The following EZR variants were observed in gnomAD, a reference collection of about 807,000 sequenced individuals.
The protein encoded by EZR is cytovillin 2.
In EZR, 40 loss-of-function variants were observed where a neutral mutation model predicts 74.8. The observed-to-expected ratio is 0.53, with a 90% CI of 0.42 to 0.70. The LOEUF (loss-of-function observed/expected upper bound fraction) is 0.70. EZR is among the 30% of genes least tolerant of loss of function. The pLI is 0.00. For missense variants in EZR, 678 were observed against 755.8 expected, an observed-to-expected ratio of 0.90 and a Z score of 1.21; for synonymous variants, 341 against 283.3, an observed-to-expected ratio of 1.20 and a Z score of -2.05.
rs1791525010 is a variant in EZR, at chr6:158,784,743, AAACAGCACTGTC to A, written c.468-28_468-17del. 6.2e-7 allele frequency: 1 copy of A among 1,611,436 alleles called. No individual in the cohort carries two copies. The highest frequency in any genetic ancestry group is 8.5e-7 in the Non-Finnish European group (1 of 1,177,514). ...GTCCATCACTCTGGAATGCAAAAGGAAACAGCACTGTCATCCTTAAGGAATGTGACAGGCAAG... is the reference window on the plus strand; with the variant it reads ...GTCCATCACTCTGGAATGCAAAAGGAATCCTTAAGGAATGTGACAGGCAAG... On this transcript the variant is annotated splice_polypyrimidine_tract_variant and intron_variant, in intron 5 of 13. Coordinates refer to ENST00000367075, the MANE Select transcript of EZR (RefSeq NM_001111077.2).
intron 2 of EZR, among the ~76,000 whole-genome samples, chr6:158,803,031 C>T (rs1583582191): frequency 6.6e-6 from 1 of 152,078 alleles, no homozygotes; most frequent in Non-Finnish European, 1.5e-5. Context: ...AAAAGTAACA[C>T]TACATGCCAC....
chr6:158,812,055 G>GCT (rs36145819), intron 2 of EZR, among the ~76,000 whole-genome samples: 79,939 of 151,794 alleles, frequency 0.53, 21,953 homozygotes, highest in Non-Finnish European at 0.61. Flanking sequence ...GCCAAATGAA[G>GCT]CTGTTACTGG....
chr6:158,779,429 A>T (rs1211200854), intron 7 of EZR, among the ~76,000 whole-genome samples: 1 of 152,188 alleles, frequency 6.6e-6, no homozygotes, highest in Non-Finnish European at 1.5e-5. Flanking sequence ...TGAGGTCTAG[A>T]GACTGCTAAT....
At chr6:158,791,705 C>CTTTTT (rs1562499412) in intron 2 of EZR, among the ~76,000 whole-genome samples, 1 of 62,602 alleles carries the variant, frequency 1.6e-5, no homozygotes, top group Non-Finnish European at 3.6e-5. Flanking sequence ...TTTCAGACTC[C>CTTTTT]ATTTTTTTTT....
chr6:158,767,207 G>A, intron 13 of EZR, 54 bp downstream of exon 13: 1 of 1,585,990 alleles, frequency 6.3e-7, no homozygotes, highest in Non-Finnish European at 8.6e-7. Flanking sequence ...CCCCAAGCCT[G>A]TCTGCTCCAA....
chr6:158,812,253 C>T (rs1018636685), intron 2 of EZR, among the ~76,000 whole-genome samples: 5 of 152,160 alleles, frequency 3.3e-5, no homozygotes, highest in African/African-American at 1.2e-4. Flanking sequence ...GACTGTAAGG[C>T]GGCTGGGCAT....
chr6:158,768,170 G>C (rs73020276), intron 12 of EZR, among the ~76,000 whole-genome samples: 1 of 151,652 alleles, frequency 6.6e-6, no homozygotes, highest in Non-Finnish European at 1.5e-5. Context: ...TGCTGTTCTC[G>C]TGCTAGTGGG....
chr6:158,816,390 A>T (rs150786720), intron 2 of EZR, among the ~76,000 whole-genome samples: 2 of 152,334 alleles, frequency 1.3e-5, no homozygotes, highest in East Asian at 3.9e-4. Context: ...TGAGAAAGAA[A>T]AGTAGTGACG....
At chr6:158,793,855 TATAG>T (rs1345436732) in intron 2 of EZR, among the ~76,000 whole-genome samples, 3 of 152,232 alleles carry the variant, frequency 2.0e-5, no homozygotes, top group Admixed American at 1.3e-4. Flanking sequence ...TTTTCAATGT[TATAG>T]ATAAAATAAT....
intron 1 of EZR, among the ~76,000 whole-genome samples, chr6:158,818,491 T>G (rs1401982416): frequency 5.0e-5 from 2 of 39,986 alleles, no homozygotes; most frequent in South Asian, 8.9e-4. Flanking sequence ...AAGGGGCTGG[T>G]GGGGGGCGCA....
At chr6:158,815,172 G>C (rs549144477) in intron 2 of EZR, among the ~76,000 whole-genome samples, 1 of 152,198 alleles carries the variant, frequency 6.6e-6, no homozygotes, top group Non-Finnish European at 1.5e-5. Flanking sequence ...TTGTTTAAAG[G>C]ACACATCCAC....
intron 2 of EZR, among the ~76,000 whole-genome samples, chr6:158,817,089 T>C (rs565713716): frequency 8.6e-5 from 13 of 151,642 alleles, no homozygotes; most frequent in African/African-American, 2.9e-4. Flanking sequence ...CGCTCCCCCA[T>C]CCCCCACAAA....
intron 7 of EZR, among the ~76,000 whole-genome samples, chr6:158,778,532 T>C (rs553376484): frequency 4.8e-4 from 73 of 152,316 alleles, no homozygotes; most frequent in African/African-American, 1.7e-3. Flanking sequence ...AGATCACATA[T>C]AGGACATGAA....
At chr6:158,795,057 C>T (rs766039965) in intron 2 of EZR, among the ~76,000 whole-genome samples, 2 of 151,790 alleles carry the variant, frequency 1.3e-5, no homozygotes, top group Non-Finnish European at 2.9e-5. Context: ...TCAAGACCAG[C>T]GCTGGCCAAC....
At chr6:158,804,753 TTC>T (rs1777294196) in intron 2 of EZR, among the ~76,000 whole-genome samples, 1 of 57,834 alleles carries the variant, frequency 1.7e-5, no homozygotes. Flanking sequence ...AGTTTTTCCT[TTC>T]TTTTTTTCTT....
At chr6:158,803,529 A>C in intron 2 of EZR, among the ~76,000 whole-genome samples, 1 of 21,298 alleles carries the variant, frequency 4.7e-5, no homozygotes, top group Non-Finnish European at 1.0e-4. Flanking sequence ...ATGTAACATT[A>C]TATATATATA....
intron 2 of EZR, among the ~76,000 whole-genome samples, chr6:158,810,337 T>C (rs1777427017): frequency 6.6e-6 from 1 of 152,130 alleles, no homozygotes; most frequent in Non-Finnish European, 1.5e-5. Flanking sequence ...GAAGCCCACA[T>C]CCCTCCACAC....
chr6:158,787,036 G>A (rs1238462078), intron 4 of EZR, 72 bp downstream of exon 4: 1 of 1,216,156 alleles, frequency 8.2e-7, no homozygotes, highest in Non-Finnish European at 1.2e-6. Flanking sequence ...AGGGTGAGTT[G>A]CTCCAGTTTC....
chr6:158,771,518 A>G (rs1791110633), intron 8 of EZR, 111 bp from the exon 9 acceptor site: 2 of 1,181,166 alleles, frequency 1.7e-6, no homozygotes, highest in Non-Finnish European at 2.3e-6. Flanking sequence ...ATGTAGCAGA[A>G]CAGGGATGGC....
Sources: allele counts gnomAD v4.1 joint callset (sites outside exome capture counted in the v4.1 genomes callset), GRCh38; gene constraint gnomAD v4.1.1; transcripts MANE v1.5; gene names NCBI Gene and HGNC (gene_info 2026-07-23, HGNC 2026-07-21).